Variants in ZNF688 observed in about 807,000 individuals in gnomAD.
The protein encoded by ZNF688 is zinc finger protein 688.
A neutral mutation model predicts 13.2 loss-of-function variants in ZNF688; 10 were observed. The observed-to-expected ratio is 0.76, with a 90% CI of 0.47 to 1.28. ZNF688 has a LOEUF of 1.28. Ranked by LOEUF, ZNF688 falls within the 50% of genes most tolerant of loss-of-function variation. The pLI, the probability that ZNF688 is intolerant of heterozygous loss-of-function variation, is 0.00. For missense variants in ZNF688, 381 were observed against 391.4 expected, an observed-to-expected ratio of 0.97 and a Z score of 0.22; for synonymous variants, 160 against 159.4, an observed-to-expected ratio of 1.00 and a Z score of -0.03.
chr16:30,569,751 A>T lies in ZNF688; in HGVS notation c.*165T>A, dbSNP rs2051641258. 1 of 596,426 alleles carries T rather than the reference A, an allele frequency of 1.7e-6. No homozygotes were observed. Among genetic ancestry groups the T allele is most frequent in the African/African-American group, 2.2e-5 (1 of 45,584 alleles). 36.9% of individuals were successfully genotyped at this position (596,426 alleles called of 1,614,324 possible). A position where few individuals can be genotyped will look rare whatever the true frequency, so the allele number is the denominator to read the frequency against. On this transcript the variant is annotated 3_prime_UTR_variant, in exon 3 of 3. Coordinates refer to ENST00000223459, the MANE Select transcript of ZNF688 (RefSeq NM_145271.4). ...TGGGTGGCAAGTCTAATCTATTCGA[A>T]TCTTTACAGGCACTTTTCTTTTTAC... is the stretch of plus-strand genomic sequence containing the variant.
chr16:30,572,203 C>A, upstream of ZNF688: 1 of 1,605,276 alleles, frequency 6.2e-7, no homozygotes, highest in Non-Finnish European at 8.5e-7. Flanking sequence ...CTGGGACTGG[C>A]GGGGCATTTG....
intron 1 of ZNF688, 78 bp downstream of exon 1, chr16:30,571,356 C>CA (rs2051678431): frequency 1.3e-6 from 2 of 1,534,626 alleles, no homozygotes; most frequent in Non-Finnish European, 1.8e-6. Flanking sequence ...TTAGGGCTCA[C>CA]AGTCCTCTCG....
At chr16:30,576,755 TATG>T (rs2051751573), upstream of ZNF688, among the ~76,000 whole-genome samples, 1 of 152,158 alleles carries the variant, frequency 6.6e-6, no homozygotes, top group Admixed American at 6.6e-5. Flanking sequence ...CTCCTTCTAT[TATG>T]ATTATTATTA....
chr16:30,573,476 T>A (rs550201702), upstream of ZNF688, among the ~76,000 whole-genome samples: 1 of 152,286 alleles, frequency 6.6e-6, no homozygotes, highest in Non-Finnish European at 1.5e-5. Flanking sequence ...ACTAGTTGCC[T>A]TCATCCCCAC....
Position 30,571,077 on chromosome 16 carries a change from C to T in ZNF688, c.243G>A (p.Glu81=). The T allele has an allele frequency of 6.2e-7, 1 of 1,604,918 alleles. No individual in the cohort carries two copies. The highest frequency in any genetic ancestry group is 1.8e-5 in the Admixed American group (1 of 56,642). The change falls in exon 2 of 3, where the codon GAG becomes GAA. Residue 81 remains glutamate, a synonymous_variant. Coordinates refer to ENST00000223459, the MANE Select transcript of ZNF688 (RefSeq NM_145271.4). The stretch of plus-strand genomic sequence containing the variant: ...GGGCGGCGGGGCTCCAAGCCTCACT[C>T]TCCTGTTCCATCCAAGAGATGAGGG... ...KPALISWMEQ[E]SEAWSPAAQD...
At chr16:30,574,300 C>T (rs2051726130), upstream of ZNF688, among the ~76,000 whole-genome samples, 1 of 152,074 alleles carries the variant, frequency 6.6e-6, no homozygotes, top group Non-Finnish European at 1.5e-5. Context: ...AATCCCAACA[C>T]TTTGGGAGGC....
Position 30,571,626 on chromosome 16 carries a change from C to T in ZNF688, c.4G>A (p.Ala2Thr), listed in dbSNP as rs1156627145. The T allele has an allele frequency of 6.8e-7, 1 of 1,460,910 alleles. No homozygotes were observed. The highest frequency in any genetic ancestry group is 2.7e-5 in the East Asian group (1 of 36,412). The allele number at this position is 1,460,910 out of a possible 1,614,324, so 90.5% of individuals were successfully genotyped here. Reference protein sequence around the residue: MAPPPAPLLAPR... With the variant: MTPPPAPLLAPR... ...GCCAGGAGCGGGGCTGGGGGCGGCG[C>T]CATGGGGCCTCGCAGCCCCGATCGG... is the stretch of plus-strand genomic sequence containing the variant. The change falls in exon 1 of 3, where the codon GCG becomes ACG. Residue 2 changes from alanine to threonine, a missense_variant. Ala to Thr is a moderately conservative substitution (Grantham distance 58). Coordinates refer to ENST00000223459, the MANE Select transcript of ZNF688 (RefSeq NM_145271.4).
At chr16:30,570,984 T>TG (rs774563393) in intron 2 of ZNF688, 26 bp downstream of exon 2, 85 of 1,612,652 alleles carry the variant, frequency 5.3e-5, no homozygotes, top group Non-Finnish European at 5.9e-5. Context: ...GAAAACCAAG[T>TG]GGGGGGACCC....
intron 2 of ZNF688, chr16:30,570,777 G>C (rs867543702): frequency 2.5e-6 from 1 of 392,644 alleles, no homozygotes. Flanking sequence ...TTTTGAGACG[G>C]AGTCTCACTC....
chr16:30,571,438 C>G lies in ZNF688; in HGVS notation c.192G>C (p.Ala64=). The stretch of plus-strand genomic sequence containing the variant: ...GCTCGGACCCGGGGCTCTCACCGAG[C>G]GCGCCCAGGTGGCCGTAGGTCTCCT... ...VMQETYGHLG[A]LGFPGPKPAL... is the part of the protein sequence containing the mutation. Residue 64 remains alanine, a synonymous_variant, in exon 1 of 3, where the codon GCG becomes GCC. Coordinates refer to ENST00000223459, the MANE Select transcript of ZNF688 (RefSeq NM_145271.4). The G allele has an allele frequency of 6.4e-7, 1 of 1,568,062 alleles. No homozygotes were observed. Among genetic ancestry groups the G allele is most frequent in the Non-Finnish European group, 8.6e-7 (1 of 1,157,486 alleles).
At chr16:30,575,324 G>A (rs147524038), upstream of ZNF688, among the ~76,000 whole-genome samples, 39 of 148,442 alleles carry the variant, frequency 2.6e-4, no homozygotes, top group African/African-American at 8.7e-4. Context: ...TCGGCTCATT[G>A]CAGCCTCTGC....
At chr16:30,572,266 A>G (rs1387576552), upstream of ZNF688, 1 of 1,536,600 alleles carries the variant, frequency 6.5e-7, no homozygotes. Context: ...CGCAGCGGAG[A>G]CCTCGGCATC....
At chr16:30,576,108 C>A (rs145945264), upstream of ZNF688, among the ~76,000 whole-genome samples, 1 of 152,094 alleles carries the variant, frequency 6.6e-6, no homozygotes, top group African/African-American at 2.4e-5. Flanking sequence ...AGTGCAGTGG[C>A]GCAACCTCAG....
chr16:30,570,135 C>T lies in ZNF688; in HGVS notation c.612G>A (p.Met204Ile). 1.2e-6 allele frequency: 2 copies of T among 1,611,330 alleles called. No homozygotes were observed. Among genetic ancestry groups the T allele is most frequent in the Non-Finnish European group, 1.7e-6 (2 of 1,178,662 alleles). ...YPSLLVSHRR[M>I]HSGERPFPCP... ...AGGGGAAAGGCCGCTCCCCCGAGTG[C>T]ATGCGCCTGTGGCTGACCAGCAGTG... Residue 204 changes from methionine (M) to isoleucine (I), a missense_variant, in exon 3 of 3, where the codon ATG becomes ATA. By Grantham distance (10) the Met-to-Ile change is conservative (BLOSUM62 1). Transcript: ENST00000223459.
Position 30,571,533 on chromosome 16 carries a change from C to G in ZNF688, c.97G>C (p.Val33Leu), listed in dbSNP as rs367615409. Residue 33 changes from valine to leucine, a missense_variant, in exon 1 of 3, where the codon GTG becomes CTG. Val to Leu is a conservative substitution (Grantham distance 32). Coordinates refer to ENST00000223459, the MANE Select transcript of ZNF688 (RefSeq NM_145271.4). ...CCCCACTCCTCCGGGGAGAAGTACA[C>G]GGCCACGTCCGCGAAGCTCACAGTC... is the stretch of plus-strand genomic sequence containing the variant. ...PGTVSFADVA[V>L]YFSPEEWGCL... 6 of 1,586,366 alleles carry G rather than the reference C, an allele frequency of 3.8e-6. No homozygotes were observed. Among genetic ancestry groups the G allele is most frequent in the Non-Finnish European group, 5.1e-6 (6 of 1,167,244 alleles).
In ZNF688 at chr16:30,570,165, G is replaced by A. The variant is rs2051648185; in HGVS notation, c.582C>T (p.Tyr194=). Residue 194 remains tyrosine, a synonymous_variant, in exon 3 of 3, where the codon TAC becomes TAT. Coordinates refer to ENST00000223459, the MANE Select transcript of ZNF688 (RefSeq NM_145271.4). Reference sequence around the variant, plus strand: ...GCCTGTGGCTGACCAGCAGTGAGGGGTAGGTGAAGCGGCGGCCGCAGTCCG... The same window carrying A: ...GCCTGTGGCTGACCAGCAGTGAGGGATAGGTGAAGCGGCGGCCGCAGTCCG... The part of the protein sequence containing the change: ...VCTDCGRRFT[Y]PSLLVSHRRM... The A allele has an allele frequency of 3.7e-6, 6 of 1,611,274 alleles. No individual in the cohort carries two copies. Among genetic ancestry groups the A allele is most frequent in the Non-Finnish European group, 5.1e-6 (6 of 1,178,460 alleles).
chr16:30,569,886 G>A lies in ZNF688; in HGVS notation c.*30C>T, dbSNP rs1020849944. ...GGATCCGTCAGTCCTTCGTGCCAAG[G>A]TCAGGCTCAACTCCAGCCTGCGGTG... On this transcript the variant is annotated 3_prime_UTR_variant, in exon 3 of 3. Transcript: ENST00000223459. 1 of 1,509,498 alleles carries A rather than the reference G, an allele frequency of 6.6e-7. No individual in the cohort carries two copies. Among genetic ancestry groups the A allele is most frequent in the Non-Finnish European group, 8.8e-7 (1 of 1,130,024 alleles). The allele number at this position is 1,509,498 out of a possible 1,614,324, so 93.5% of individuals were successfully genotyped here. A position where few individuals can be genotyped will look rare whatever the true frequency, so the allele number is the denominator to read the frequency against.
upstream of ZNF688, among the ~76,000 whole-genome samples, chr16:30,576,194 T>C (rs930542282): frequency 6.6e-6 from 1 of 151,966 alleles, no homozygotes; most frequent in African/African-American, 2.4e-5. Flanking sequence ...ATTACATACG[T>C]GCACCACCAT....
chr16:30,570,639 A>C, intron 2 of ZNF688: 3 of 594,628 alleles, frequency 5.0e-6, no homozygotes, highest in Non-Finnish European at 8.4e-6. Flanking sequence ...GGGAATAATA[A>C]TGGCTTTTGA....
Sources: gnomAD v4.1 joint callset for allele counts (sites outside exome capture counted in the v4.1 genomes callset) on GRCh38, gnomAD v4.1.1 for gene constraint, MANE v1.5 for transcripts, NCBI Gene and HGNC (gene_info 2026-07-23, HGNC 2026-07-21) for gene names.